The following PCDH17 variants were observed in gnomAD, a reference collection of about 807,000 sequenced individuals.
The protein encoded by PCDH17 is protocadherin-17.
Under a neutral mutation model 67.7 loss-of-function variants are expected in PCDH17, and 21 were observed. That is an observed-to-expected ratio of 0.31 (90% CI 0.22 to 0.45). The LOEUF (loss-of-function observed/expected upper bound fraction) is 0.45, where lower values mean the gene tolerates loss of function less well. PCDH17 is among the 20% of genes least tolerant of loss of function. The pLI is 1.00. For missense variants in PCDH17, 1,471 were observed against 1,564.8 expected, an observed-to-expected ratio of 0.94 and a Z score of 1.01; for synonymous variants, 701 against 656.7, an observed-to-expected ratio of 1.07 and a Z score of -1.03.
chr13:57,694,880 T>A (rs1955591932), intron 3 of PCDH17, among the ~76,000 whole-genome samples: 1 of 151,280 alleles, frequency 6.6e-6, no homozygotes, highest in South Asian at 2.1e-4. Context: ...AGGATCTGAA[T>A]CAGGATGGCA....
chr13:57,648,304 A>G (rs911194127), intron 1 of PCDH17, among the ~76,000 whole-genome samples: 1 of 151,974 alleles, frequency 6.6e-6, no homozygotes, highest in Non-Finnish European at 1.5e-5. Context: ...AGGTAGAATC[A>G]ACATGTTGGA....
chr13:57,672,730 T>C (rs1049757556), intron 3 of PCDH17, among the ~76,000 whole-genome samples: 5 of 152,006 alleles, frequency 3.3e-5, no homozygotes, highest in African/African-American at 1.2e-4. Context: ...TTCTGTGTTC[T>C]AGTCTGTGGA....
intron 3 of PCDH17, among the ~76,000 whole-genome samples, chr13:57,680,788 T>A (rs982284212): frequency 1.3e-5 from 2 of 151,744 alleles, no homozygotes; most frequent in Non-Finnish European, 1.5e-5. Context: ...ACAATAAGCA[T>A]AACTCATAAG....
In PCDH17 at chr13:57,633,971, G is replaced by T. The variant is rs575099150; in HGVS notation, c.1425G>T (p.Gly475=). ...ACAACCCGCCTCGGTTCACCAAAGG[G>T]CTCTACGTGCTTCAGGTGCACGAGA... ...ENDNPPRFTK[G]LYVLQVHENN... The change falls in exon 1 of 4, where the codon GGG becomes GGT. Residue 475 remains glycine, a synonymous_variant. Transcript: ENST00000377918. The surrounding 1 kb of genome is among the most constrained non-coding windows in gnomAD (Gnocchi z 6.2). The T allele has an allele frequency of 4.4e-4, 714 of 1,613,612 alleles. 16 individuals carry two copies. In the South Asian group the frequency reaches 7.4e-3, roughly 17 times the overall value.
In PCDH17 at chr13:57,632,441, T is replaced by G. The variant is rs915820764; in HGVS notation, c.-106T>G. 7.8e-6 allele frequency: 9 copies of G among 1,148,444 alleles called. No homozygotes were observed. The highest frequency in any genetic ancestry group is 1.1e-5 in the Non-Finnish European group (9 of 823,546). 71.1% of individuals were successfully genotyped at this position (1,148,444 alleles called of 1,614,324 possible). A position where few individuals can be genotyped will look rare whatever the true frequency, so the allele number is the denominator to read the frequency against. On this transcript the variant is annotated 5_prime_UTR_variant, in exon 1 of 4. Coordinates refer to ENST00000377918, the MANE Select transcript of PCDH17 (RefSeq NM_001040429.3). ...AGGGAAAAAAGGACCCATAGACTTGTGGCTCGCGTCGCGCGCGCACGCTGC... is the reference window on the plus strand; with the variant it reads ...AGGGAAAAAAGGACCCATAGACTTGGGGCTCGCGTCGCGCGCGCACGCTGC...
intron 3 of PCDH17, among the ~76,000 whole-genome samples, chr13:57,686,411 G>C (rs141870851): frequency 2.6e-5 from 4 of 152,048 alleles, no homozygotes; most frequent in African/African-American, 4.8e-5. Flanking sequence ...TAAGGGAGAA[G>C]CATAACATAA....
chr13:57,695,912 G>A (rs372742326), intron 3 of PCDH17, among the ~76,000 whole-genome samples: 2 of 151,452 alleles, frequency 1.3e-5, no homozygotes, highest in East Asian at 1.9e-4. Flanking sequence ...TATAAAAGTA[G>A]ACAATTAAGC....
intron 1 of PCDH17, among the ~76,000 whole-genome samples, chr13:57,646,945 T>C (rs948612793): frequency 6.6e-6 from 1 of 151,882 alleles, no homozygotes; most frequent in Non-Finnish European, 1.5e-5. Context: ...TGGTTACATG[T>C]TACTACAAGA....
At chr13:57,683,396 G>A (rs1210718058) in intron 3 of PCDH17, among the ~76,000 whole-genome samples, 1 of 151,796 alleles carries the variant, frequency 6.6e-6, no homozygotes. Context: ...AAAGAGAATC[G>A]GGACTTTGCA....
At chr13:57,644,995 T>C (rs1177322064) in intron 1 of PCDH17, among the ~76,000 whole-genome samples, 1 of 151,654 alleles carries the variant, frequency 6.6e-6, no homozygotes, top group Non-Finnish European at 1.5e-5. Context: ...CAAAGCTACA[T>C]GTTGCCTAGG....
chr13:57,686,202 C>G (rs1022852140), intron 3 of PCDH17, among the ~76,000 whole-genome samples: 2 of 151,864 alleles, frequency 1.3e-5, no homozygotes, highest in Non-Finnish European at 2.9e-5. Flanking sequence ...AATAATAGAG[C>G]CAACTAGTTG....
chr13:57,697,291 C>T (rs1425878461), intron 3 of PCDH17, among the ~76,000 whole-genome samples: 5 of 151,620 alleles, frequency 3.3e-5, no homozygotes, highest in African/African-American at 1.2e-4. Context: ...TGTTGCAGAA[C>T]AGTGATTTAG....
intron 3 of PCDH17, among the ~76,000 whole-genome samples, chr13:57,716,456 GGT>G (rs1261300289): frequency 6.6e-6 from 1 of 151,830 alleles, no homozygotes; most frequent in Non-Finnish European, 1.5e-5. Context: ...TCCCATGTGA[GGT>G]GTGTTTCTTT....
intron 3 of PCDH17, among the ~76,000 whole-genome samples, chr13:57,684,671 A>T (rs907171325): frequency 2.0e-5 from 3 of 151,974 alleles, no homozygotes; most frequent in African/African-American, 7.2e-5. Flanking sequence ...AGAATGAAAG[A>T]AACAGATTTT....
At chr13:57,648,285 A>G (rs1287367096) in intron 1 of PCDH17, among the ~76,000 whole-genome samples, 9 of 151,950 alleles carry the variant, frequency 5.9e-5, no homozygotes, top group Admixed American at 5.3e-4. Context: ...TTATCTTTTT[A>G]GAGCATTAAG....
chr13:57,691,812 G>C (rs1396535089), intron 3 of PCDH17, among the ~76,000 whole-genome samples: 9 of 151,092 alleles, frequency 6.0e-5, no homozygotes, highest in African/African-American at 2.2e-4. Context: ...TATGAATGTA[G>C]AGTTTCCTTA....
intron 3 of PCDH17, among the ~76,000 whole-genome samples, chr13:57,713,131 C>G (rs909073857): frequency 5.3e-5 from 8 of 151,646 alleles, no homozygotes; most frequent in African/African-American, 1.9e-4. Context: ...CATCTCCTCT[C>G]TTTTAATATG....
intron 3 of PCDH17, among the ~76,000 whole-genome samples, chr13:57,706,511 G>A (rs1955723025): frequency 6.6e-6 from 1 of 152,072 alleles, no homozygotes; most frequent in Non-Finnish European, 1.5e-5. Context: ...CTAACTGGGT[G>A]GCTTAAAACA....
intron 1 of PCDH17, among the ~76,000 whole-genome samples, chr13:57,654,784 A>AT (rs1955083743): frequency 6.6e-6 from 1 of 152,008 alleles, no homozygotes; most frequent in East Asian, 1.9e-4. Flanking sequence ...TGAGTCATAC[A>AT]TTTTAAATGT....
Sources: allele counts gnomAD v4.1 joint callset (sites outside exome capture counted in the v4.1 genomes callset), GRCh38; gene constraint gnomAD v4.1.1; non-coding constraint Gnocchi (gnomAD v3.1); transcripts MANE v1.5; gene names NCBI Gene and HGNC (gene_info 2026-07-23, HGNC 2026-07-21).